DAB1: variants seen among roughly 807,000 people sequenced by gnomAD.
DAB1 encodes the protein DAB adaptor protein 1, also known as disabled homolog 1.
In DAB1, 15 loss-of-function variants were observed where a neutral mutation model predicts 64.6. The observed-to-expected ratio is 0.23, with a 90% CI of 0.16 to 0.36. The LOEUF is 0.36. Ranked by LOEUF, DAB1 falls within the 10% of genes least tolerant of loss-of-function variation. The probability of loss-of-function intolerance (pLI) is 1.00; values close to 1 mark genes in which losing one functional copy is unlikely to be tolerated. For missense variants in DAB1, 596 were observed against 706.7 expected, an observed-to-expected ratio of 0.84 and a Z score of 1.78; for synonymous variants, 235 against 251.9, an observed-to-expected ratio of 0.93 and a Z score of 0.64.
At position 57,458,178 on chromosome 1, in the gene DAB1, T is replaced by A. The variant is rs12566347; in HGVS notation, n.626-167012A>T. 2.6e-3 allele frequency among the ~76,000 whole-genome samples: 391 copies of A among 152,294 alleles called. 13 individuals carry two copies. In the East Asian group the frequency reaches 0.055, roughly 21 times the overall value. The stretch of plus-strand genomic sequence containing the variant: ...AGCACATATGTATACATACTATATA[T>A]ATTCTTTTGTAATTTTTTCCTCAAT... On this transcript the variant is annotated intron_variant and non_coding_transcript_variant, in intron 7 of 20. Transcript: ENST00000485760.
chr1:57,156,967 A>T (rs1660281995), intron 2 of DAB1, among the ~76,000 whole-genome samples: 1 of 152,186 alleles, frequency 6.6e-6, no homozygotes, highest in Non-Finnish European at 1.5e-5. Flanking sequence ...CACCTTGCAG[A>T]AGCTTCAACA....
intron 5 of DAB1, among the ~76,000 whole-genome samples, chr1:58,124,230 C>T (rs1652924675): frequency 6.6e-6 from 1 of 150,608 alleles, no homozygotes; most frequent in Admixed American, 6.6e-5. Flanking sequence ...ATATATATAT[C>T]CCAACACCTT....
chr1:57,393,907 T>C (rs1396407661), intron 1 of DAB1, among the ~76,000 whole-genome samples: 1 of 152,166 alleles, frequency 6.6e-6, no homozygotes, highest in Non-Finnish European at 1.5e-5. Context: ...ACCCTTGAGA[T>C]AGATGACTGA....
At chr1:58,426,728 G>T (rs781153482) in intron 3 of DAB1, among the ~76,000 whole-genome samples, 20 of 151,756 alleles carry the variant, frequency 1.3e-4, no homozygotes, top group Non-Finnish European at 2.4e-4. Context: ...CACTTGTATT[G>T]AATGCATATT....
At chr1:57,795,687 G>GGA (rs1650811161) in intron 6 of DAB1, among the ~76,000 whole-genome samples, 4 of 45,246 alleles carry the variant, frequency 8.8e-5, no homozygotes, top group Admixed American at 3.5e-4. Flanking sequence ...AATTATGCTT[G>GGA]GAGATATATA....
chr1:57,214,014 A>C (rs1569915898), intron 2 of DAB1, among the ~76,000 whole-genome samples: 2 of 152,352 alleles, frequency 1.3e-5, no homozygotes, highest in South Asian at 4.1e-4. Flanking sequence ...AGTGGGATCT[A>C]TTAAGTATAA....
intron 7 of DAB1, among the ~76,000 whole-genome samples, chr1:57,507,450 A>G (rs377754969): frequency 1.4e-4 from 21 of 152,166 alleles, no homozygotes; most frequent in African/African-American, 4.6e-4. Context: ...TGCACGTTCT[A>G]TATTTCCACC....
chr1:57,036,518 C>G (rs1647158816), intron 9 of DAB1, among the ~76,000 whole-genome samples: 2 of 152,170 alleles, frequency 1.3e-5, no homozygotes, highest in African/African-American at 4.8e-5. Flanking sequence ...CCAGGTGATT[C>G]TTATAGACAA....
At chr1:57,410,718 G>T (rs375400266) in intron 1 of DAB1, among the ~76,000 whole-genome samples, 7 of 152,270 alleles carry the variant, frequency 4.6e-5, no homozygotes, top group African/African-American at 1.7e-4. Flanking sequence ...ATGATATCTA[G>T]CCTGACTCAC....
chr1:58,503,379 T>C (rs1319022019), intron 3 of DAB1, among the ~76,000 whole-genome samples: 3 of 152,160 alleles, frequency 2.0e-5, no homozygotes, highest in Non-Finnish European at 2.9e-5. Context: ...ACTACCCTTT[T>C]AAGAGGAATA....
At chr1:58,128,844 C>T (rs1336800899) in intron 5 of DAB1, among the ~76,000 whole-genome samples, 4 of 149,648 alleles carry the variant, frequency 2.7e-5, no homozygotes, top group Admixed American at 1.3e-4. Flanking sequence ...TGATGTGCTG[C>T]TGGATTTGTT....
At chr1:57,643,306 G>A (rs1173455536) in intron 7 of DAB1, among the ~76,000 whole-genome samples, 1 of 152,070 alleles carries the variant, frequency 6.6e-6, no homozygotes, top group Non-Finnish European at 1.5e-5. Flanking sequence ...GTCTTTGAAT[G>A]GATAGTTATA....
At chr1:58,505,737 TATC>T (rs1645977690) in intron 3 of DAB1, among the ~76,000 whole-genome samples, 1 of 152,268 alleles carries the variant, frequency 6.6e-6, no homozygotes, top group South Asian at 2.1e-4. Context: ...AAGATTAAAT[TATC>T]ATCAACATGT....
intron 2 of DAB1, among the ~76,000 whole-genome samples, chr1:57,200,263 A>T (rs1291457585): frequency 6.6e-6 from 1 of 152,192 alleles, no homozygotes. Flanking sequence ...AAGCTGCCAG[A>T]AAGCATTCAC....
intron 10 of DAB1, among the ~76,000 whole-genome samples, chr1:57,024,541 C>T (rs1646724363): frequency 6.6e-6 from 1 of 152,156 alleles, no homozygotes; most frequent in African/African-American, 2.4e-5. Flanking sequence ...AGACTAGCAG[C>T]TTGCAGGACG....
chr1:58,120,592 C>T (rs1652677506), intron 5 of DAB1, among the ~76,000 whole-genome samples: 1 of 152,182 alleles, frequency 6.6e-6, no homozygotes, highest in Non-Finnish European at 1.5e-5. Flanking sequence ...ACGGAAGATG[C>T]TTCCTTCCCT....
At chr1:57,922,709 G>A (rs1281686975) in intron 5 of DAB1, among the ~76,000 whole-genome samples, 1 of 151,640 alleles carries the variant, frequency 6.6e-6, no homozygotes, top group Non-Finnish European at 1.5e-5. Context: ...AGCTGGGCGT[G>A]CTGGCTGACA....
chr1:58,059,553 C>A (rs7548316), intron 5 of DAB1, among the ~76,000 whole-genome samples: 22,379 of 152,206 alleles, frequency 0.15, 1,832 homozygotes, highest in East Asian at 0.31. Flanking sequence ...ATGCACATAT[C>A]TTTCTTTTGT....
chr1:57,438,688 C>T (rs1007326841), intron 7 of DAB1, among the ~76,000 whole-genome samples: 1 of 152,230 alleles, frequency 6.6e-6, no homozygotes, highest in South Asian at 2.1e-4. Context: ...TAGTAACATC[C>T]CTTTATCTTC....
Sources: allele counts gnomAD v4.1 joint callset (sites outside exome capture counted in the v4.1 genomes callset), GRCh38; gene constraint gnomAD v4.1.1; transcripts MANE v1.5; gene names NCBI Gene and HGNC (gene_info 2026-07-23, HGNC 2026-07-21).